Variants in KIAA1958 observed in about 807,000 individuals in gnomAD.
The protein encoded by KIAA1958 is uncharacterized protein KIAA1958.
KIAA1958 carries 14 observed loss-of-function variants against 47.2 expected under a neutral mutation model. That is an observed-to-expected ratio of 0.30 (90% CI 0.20 to 0.46). The LOEUF (loss-of-function observed/expected upper bound fraction) is 0.46. KIAA1958 is among the 20% of genes least tolerant of loss of function. KIAA1958 has a pLI of 1.00. For synonymous variants in KIAA1958, 354 were observed against 353.3 expected, an observed-to-expected ratio of 1.00 and a Z score of -0.02; for missense variants, 803 against 909.2, an observed-to-expected ratio of 0.88 and a Z score of 1.50.
At chr9:112,576,670 C>T (rs529707200) in intron 2 of KIAA1958, among the ~76,000 whole-genome samples, 3 of 152,234 alleles carry the variant, frequency 2.0e-5, no homozygotes, top group South Asian at 2.1e-4. Flanking sequence ...CATGTTGTAG[C>T]GTTTCTTTCC....
intron 1 of KIAA1958, among the ~76,000 whole-genome samples, chr9:112,498,691 T>C (rs1380727007): frequency 6.6e-6 from 1 of 152,210 alleles, no homozygotes; most frequent in African/African-American, 2.4e-5. Flanking sequence ...TTTCAATATG[T>C]GTATACAACG....
chr9:112,539,277 G>A (rs750003930), intron 1 of KIAA1958, among the ~76,000 whole-genome samples: 1 of 152,142 alleles, frequency 6.6e-6, no homozygotes, highest in Non-Finnish European at 1.5e-5. Flanking sequence ...GATAACAGAA[G>A]GTAGAAACAA....
intron 2 of KIAA1958, among the ~76,000 whole-genome samples, chr9:112,608,523 G>A (rs1415197937): frequency 3.3e-5 from 5 of 152,152 alleles, no homozygotes; most frequent in Admixed American, 2.0e-4. Flanking sequence ...GTGTGGTGGT[G>A]CACACCTGTA....
chr9:112,622,412 G>A (rs546170709), intron 2 of KIAA1958, among the ~76,000 whole-genome samples: 1 of 152,302 alleles, frequency 6.6e-6, no homozygotes, highest in South Asian at 2.1e-4. Context: ...GGATGACATA[G>A]CTGCATAATT....
chr9:112,553,014 C>T (rs1463857636), intron 1 of KIAA1958, among the ~76,000 whole-genome samples: 1 of 151,994 alleles, frequency 6.6e-6, no homozygotes, highest in Non-Finnish European at 1.5e-5. Context: ...AGTACTCACC[C>T]CGGGTTAGAT....
intron 1 of KIAA1958, among the ~76,000 whole-genome samples, chr9:112,513,188 A>G (rs1834350641): frequency 7.0e-6 from 1 of 142,730 alleles, no homozygotes. Flanking sequence ...TATTTTTAGT[A>G]GAGACGGGGT....
chr9:112,591,211 G>A (rs1835913531), intron 2 of KIAA1958, among the ~76,000 whole-genome samples: 2 of 152,144 alleles, frequency 1.3e-5, no homozygotes, highest in Admixed American at 6.5e-5. Context: ...AGCCTCCTGA[G>A]TAGCTGGGAC....
intron 1 of KIAA1958, among the ~76,000 whole-genome samples, chr9:112,572,164 C>T (rs527885183): frequency 1.3e-5 from 2 of 152,188 alleles, no homozygotes; most frequent in African/African-American, 4.8e-5. Flanking sequence ...TCTGCGTATA[C>T]AGGGTGGCTG....
intron 1 of KIAA1958, among the ~76,000 whole-genome samples, chr9:112,553,159 G>A (rs1335465498): frequency 9.2e-5 from 5 of 54,210 alleles, no homozygotes; most frequent in African/African-American, 1.5e-4. Context: ...CCCCTCCCCT[G>A]CCCTCTCCCC....
In KIAA1958 at chr9:112,660,055, A is replaced by G; in HGVS notation, c.2137A>G (p.Ser713Gly). 1.9e-6 allele frequency: 3 copies of G among 1,612,838 alleles called. No individual in the cohort carries two copies. The highest frequency in any genetic ancestry group is 2.5e-6 in the Non-Finnish European group (3 of 1,179,880). The change falls in exon 4 of 4, where the codon AGC becomes GGC. Residue 713 changes from serine (S) to glycine (G), a missense_variant. Physicochemically the swap from Ser to Gly is moderately conservative, Grantham distance 56. Coordinates refer to ENST00000337530, the MANE Select transcript of KIAA1958 (RefSeq NM_133465.4). ...GGTCTCCCGGAGGCTTGGCTCCCAC[A>G]GCTGCTGCCAGTGAGCCCCCACTGG... ...TQVSRRLGSHSCCQ is the reference protein window; with the variant it reads ...TQVSRRLGSHGCCQ
At chr9:112,529,944 C>T (rs62567859) in intron 1 of KIAA1958, among the ~76,000 whole-genome samples, 149 of 152,106 alleles carry the variant, frequency 9.8e-4, no homozygotes, top group Non-Finnish European at 1.5e-3. Context: ...CCTGGGTTCA[C>T]ACCATTCTCC....
At chr9:112,645,507 T>C in intron 2 of KIAA1958, 143 bp from the exon 3 acceptor site, 1 of 579,008 alleles carries the variant, frequency 1.7e-6, no homozygotes, top group Non-Finnish European at 3.0e-6. Context: ...CAGATAGATA[T>C]AGATATACAT....
At chr9:112,624,620 A>G (rs1410089030) in intron 2 of KIAA1958, among the ~76,000 whole-genome samples, 1 of 152,198 alleles carries the variant, frequency 6.6e-6, no homozygotes, top group Non-Finnish European at 1.5e-5. Flanking sequence ...AAAATTCCTC[A>G]TGGTCCAGCC....
In KIAA1958 at chr9:112,659,598, C is replaced by G; in HGVS notation, c.1680C>G (p.Val560=). The change falls in exon 4 of 4, where the codon GTC becomes GTG. Residue 560 remains valine, a synonymous_variant. Coordinates refer to ENST00000337530, the MANE Select transcript of KIAA1958 (RefSeq NM_133465.4). ...DSPITLLSTV[V]KYNSQYLNMR... ...CTATCACTCTCCTGTCCACTGTGGTCAAGTACAACAGCCAGTACCTGAACA... is the reference window on the plus strand; with the variant it reads ...CTATCACTCTCCTGTCCACTGTGGTGAAGTACAACAGCCAGTACCTGAACA... The G allele has an allele frequency of 1.2e-6, 2 of 1,613,786 alleles. No individual in the cohort carries two copies. The highest frequency in any genetic ancestry group is 1.7e-6 in the Non-Finnish European group (2 of 1,179,876).
At chr9:112,619,899 T>C (rs1836471652) in intron 2 of KIAA1958, among the ~76,000 whole-genome samples, 1 of 152,184 alleles carries the variant, frequency 6.6e-6, no homozygotes, top group African/African-American at 2.4e-5. Context: ...ATTCCCTGAA[T>C]TATTTACTTA....
At chr9:112,650,143 A>G (rs1186011662) in intron 3 of KIAA1958, among the ~76,000 whole-genome samples, 3 of 152,272 alleles carry the variant, frequency 2.0e-5, no homozygotes, top group Admixed American at 6.5e-5. Flanking sequence ...AACTGTCAAC[A>G]TAGAATTTTA....
intron 2 of KIAA1958, among the ~76,000 whole-genome samples, chr9:112,583,543 G>A (rs1835769938): frequency 6.6e-6 from 1 of 152,090 alleles, no homozygotes; most frequent in Non-Finnish European, 1.5e-5. Flanking sequence ...GCAACTTCTT[G>A]ATAACAGGAG....
At position 112,547,162 on chromosome 9, in the gene KIAA1958, C is replaced by T. The variant is rs562759801; in HGVS notation, c.-24-26895C>T. On this transcript the variant is annotated intron_variant, in intron 1 of 3. Transcript: ENST00000337530. ...GAGGCCGAGGCGGGTAGATCACCTG[C>T]GACCAGGAGTTTGTGACCAGCCTGG... Among the ~76,000 whole-genome samples the T allele has an allele frequency of 7.9e-5, 12 of 151,596 alleles. No homozygotes were observed. The East Asian group carries it at 2.0e-3, about 25-fold the overall frequency.
intron 2 of KIAA1958, among the ~76,000 whole-genome samples, chr9:112,583,886 T>A (rs1313490305): frequency 6.6e-6 from 1 of 152,196 alleles, no homozygotes; most frequent in African/African-American, 2.4e-5. Context: ...TATAATTTTT[T>A]AAAATACGTA....
Sources: allele counts gnomAD v4.1 joint callset (sites outside exome capture counted in the v4.1 genomes callset), GRCh38; gene constraint gnomAD v4.1.1; transcripts MANE v1.5; gene names NCBI Gene and HGNC (gene_info 2026-07-23, HGNC 2026-07-21).